HS3ST3A1: variants seen among roughly 807,000 people sequenced by gnomAD.
The protein encoded by HS3ST3A1 is heparan sulfate-glucosamine 3-sulfotransferase 3A1.
Under a neutral mutation model 25.7 loss-of-function variants are expected in HS3ST3A1, and 19 were observed. The observed-to-expected ratio is 0.74, with a 90% CI of 0.52 to 1.08. The LOEUF is 1.08. Ranked by LOEUF, HS3ST3A1 falls within the 50% of genes least tolerant of loss-of-function variation. The pLI is 0.00. For synonymous variants in HS3ST3A1, 226 were observed against 278.6 expected, an observed-to-expected ratio of 0.81 and a Z score of 1.88; for missense variants, 459 against 594.3, an observed-to-expected ratio of 0.77 and a Z score of 2.37.
At chr17:13,520,390 A>G (rs1014612247) in intron 1 of HS3ST3A1, among the ~76,000 whole-genome samples, 1 of 152,212 alleles carries the variant, frequency 6.6e-6, no homozygotes, top group African/African-American at 2.4e-5. Context: ...ACCTTTGAAA[A>G]TTGTATCAGT....
At chr17:13,512,833 C>A (rs561453487) in intron 1 of HS3ST3A1, among the ~76,000 whole-genome samples, 1 of 152,112 alleles carries the variant, frequency 6.6e-6, no homozygotes, top group African/African-American at 2.4e-5. Context: ...ATTACTCATC[C>A]CAACATTGCT....
chr17:13,496,847 A>T (rs781427535), intron 1 of HS3ST3A1, 29 bp from the exon 2 acceptor site: 9 of 1,600,186 alleles, frequency 5.6e-6, no homozygotes, highest in Middle Eastern at 1.7e-4. Flanking sequence ...CATGTCAGAG[A>T]TGTGCAGAGA....
intron 1 of HS3ST3A1, among the ~76,000 whole-genome samples, chr17:13,544,066 TATC>T (rs938936478): frequency 6.6e-6 from 1 of 152,154 alleles, no homozygotes; most frequent in Non-Finnish European, 1.5e-5. Context: ...TAGAAAACAT[TATC>T]ATCATCATCA....
intron 1 of HS3ST3A1, among the ~76,000 whole-genome samples, chr17:13,499,958 C>T (rs544167910): frequency 6.6e-6 from 1 of 152,268 alleles, no homozygotes; most frequent in African/African-American, 2.4e-5. Flanking sequence ...CCTAATCAAG[C>T]TTACATTGTA....
intron 1 of HS3ST3A1, among the ~76,000 whole-genome samples, chr17:13,599,168 C>T (rs1017915382): frequency 2.0e-5 from 3 of 152,162 alleles, no homozygotes; most frequent in African/African-American, 7.2e-5. Context: ...GACAGAAACA[C>T]AAGGGGATAT....
At chr17:13,593,233 C>CAAAAAAAAA (rs5819419) in intron 1 of HS3ST3A1, among the ~76,000 whole-genome samples, 63 of 103,162 alleles carry the variant, frequency 6.1e-4, no homozygotes, top group African/African-American at 1.8e-3. Flanking sequence ...TGTTTGTAGC[C>CAAAAAAAAA]AAAAAAAAAA....
At chr17:13,520,259 G>T (rs2142317335) in intron 1 of HS3ST3A1, among the ~76,000 whole-genome samples, 1 of 152,226 alleles carries the variant, frequency 6.6e-6, no homozygotes, top group Middle Eastern at 3.4e-3. Context: ...CTCTTCCCCA[G>T]TATGCTATTA....
chr17:13,560,503 C>A (rs1355407565), intron 1 of HS3ST3A1, among the ~76,000 whole-genome samples: 1 of 151,828 alleles, frequency 6.6e-6, no homozygotes, highest in East Asian at 1.9e-4. Flanking sequence ...CCTAAGTAAT[C>A]ATAATACAAT....
At chr17:13,512,364 G>A (rs1905903425) in intron 1 of HS3ST3A1, among the ~76,000 whole-genome samples, 1 of 147,078 alleles carries the variant, frequency 6.8e-6, no homozygotes, top group African/African-American at 2.5e-5. Flanking sequence ...TTCAGAATAA[G>A]CAAATCTATA....
rs1182294661 is a variant in HS3ST3A1, at chr17:13,502,179, A to C, written c.600-5361T>G. Among the ~76,000 whole-genome samples the C allele has an allele frequency of 2.0e-5, 3 of 152,066 alleles. No individual in the cohort carries two copies. The East Asian group carries it at 5.8e-4, about 29-fold the overall frequency. On this transcript the variant is annotated intron_variant, in intron 1 of 1. Coordinates refer to ENST00000284110, the MANE Select transcript of HS3ST3A1 (RefSeq NM_006042.3). The stretch of plus-strand genomic sequence containing the variant: ...TAGAGCTGCTGTCTGTGGTGCAGGA[A>C]GTGTTATGGTCAAGCAGGAACCACG...
chr17:13,521,631 A>G (rs983899179), intron 1 of HS3ST3A1, among the ~76,000 whole-genome samples: 10 of 152,192 alleles, frequency 6.6e-5, no homozygotes, highest in African/African-American at 2.4e-4. Context: ...GTTGATATAA[A>G]CTTGAAGAAA....
intron 1 of HS3ST3A1, among the ~76,000 whole-genome samples, chr17:13,585,842 T>TA (rs59133761): frequency 1.5e-5 from 1 of 66,854 alleles, no homozygotes; most frequent in East Asian, 4.7e-4. Context: ...CCTTCTGCGT[T>TA]TTTTTTTTTT....
intron 1 of HS3ST3A1, among the ~76,000 whole-genome samples, chr17:13,503,904 G>A (rs1228720144): frequency 6.6e-6 from 1 of 152,184 alleles, no homozygotes; most frequent in Non-Finnish European, 1.5e-5. Context: ...ACATGTTCAC[G>A]AATGTTCACA....
At position 13,546,064 on chromosome 17, in the gene HS3ST3A1, T is replaced by A. The variant is rs528153899; in HGVS notation, c.600-49246A>T. ...TCGTTTGAGAGAGAGAGTGCGTATG[T>A]GCATTTATCTGACTAATTTCCACCT... is the stretch of plus-strand genomic sequence containing the variant. On this transcript the variant is annotated intron_variant, in intron 1 of 1. Transcript: ENST00000284110. Among the ~76,000 whole-genome samples the A allele has an allele frequency of 3.9e-5, 6 of 152,198 alleles. No homozygotes were observed. The East Asian group carries it at 1.2e-3, about 29-fold the overall frequency.
chr17:13,564,880 C>A (rs79211332), intron 1 of HS3ST3A1, among the ~76,000 whole-genome samples: 1 of 151,996 alleles, frequency 6.6e-6, no homozygotes, highest in East Asian at 1.9e-4. Context: ...CATGCCACCA[C>A]CCGGCTAATT....
In HS3ST3A1 at chr17:13,496,941, A is replaced by T. The variant is rs1905304295; in HGVS notation, c.600-123T>A. ...CCCCGCAACCCCCCACTTGCTAGAC[A>T]TCTGATGGTGACGTCGCACAACGAG... On this transcript the variant is annotated intron_variant, in intron 1 of 1. Coordinates refer to ENST00000284110, the MANE Select transcript of HS3ST3A1 (RefSeq NM_006042.3). The T allele has an allele frequency of 5.9e-6, 8 of 1,364,508 alleles. No individual in the cohort carries two copies. In the East Asian group the frequency reaches 1.2e-4, roughly 20 times the overall value. 84.5% of individuals were successfully genotyped at this position (1,364,508 alleles called of 1,614,324 possible). A position where few individuals can be genotyped will look rare whatever the true frequency, so the allele number is the denominator to read the frequency against.
intron 1 of HS3ST3A1, among the ~76,000 whole-genome samples, chr17:13,581,466 CAAAA>C (rs71144975): frequency 1.6e-5 from 2 of 122,004 alleles, no homozygotes; most frequent in African/African-American, 3.3e-5. Flanking sequence ...GACTCTATCT[CAAAA>C]AAAAAAAAAA....
At chr17:13,583,567 C>A (rs557013306) in intron 1 of HS3ST3A1, among the ~76,000 whole-genome samples, 50 of 152,272 alleles carry the variant, frequency 3.3e-4, no homozygotes, top group Non-Finnish European at 5.7e-4. Context: ...AAAAATGCCC[C>A]TTAACACGTC....
rs765691290 is a variant in HS3ST3A1, at chr17:13,600,776, A to G, written c.354T>C (p.Pro118=). 6.7e-7 allele frequency: 1 copy of G among 1,481,504 alleles called. No homozygotes were observed. Among genetic ancestry groups the G allele is most frequent in the South Asian group, 1.3e-5 (1 of 76,844 alleles). The allele number at this position is 1,481,504 out of a possible 1,614,324, so 91.8% of individuals were successfully genotyped here. Residue 118 remains proline (P), a synonymous_variant, in exon 1 of 2, where the codon CCT becomes CCC. Transcript: ENST00000284110. The part of the protein sequence containing the change: ...GEEAAWEEES[P]GLSGGPGGSG... Reference sequence around the variant, plus strand: ...AGCCGCCCGGACCCCCTGACAGGCCAGGGGACTCTTCTTCCCAGGCCGCCT... The same window carrying G: ...AGCCGCCCGGACCCCCTGACAGGCCGGGGGACTCTTCTTCCCAGGCCGCCT...
Sources: allele counts gnomAD v4.1 joint callset (sites outside exome capture counted in the v4.1 genomes callset), GRCh38; gene constraint gnomAD v4.1.1; transcripts MANE v1.5; gene names NCBI Gene and HGNC (gene_info 2026-07-23, HGNC 2026-07-21).